Variants in DUOX1 observed in about 807,000 individuals in gnomAD.
DUOX1 encodes the protein NADPH thyroid oxidase 1.
Under a neutral mutation model 181.8 loss-of-function variants are expected in DUOX1, and 134 were observed. The observed-to-expected ratio is 0.74, with a 90% confidence interval of 0.64 to 0.85. DUOX1 has a LOEUF of 0.85. Among genes scored for constraint, DUOX1 ranks in the 40% least tolerant of loss-of-function variants. The pLI is 0.00. For missense variants in DUOX1, 1,814 were observed against 2,064.4 expected (o/e 0.88, Z 2.35); for synonymous variants, 798 against 832.5 (o/e 0.96, Z 0.71).
intron 16 of DUOX1, 70 bp downstream of exon 16, chr15:45,143,373 C>T: frequency 7.8e-7 from 1 of 1,275,840 alleles, no homozygotes; most frequent in Non-Finnish European, 1.1e-6. Context: ...CCACCTCCAC[C>T]CCAGCAGCCT....
At chr15:45,135,414 C>G in intron 5 of DUOX1, 60 bp from the exon 6 acceptor site, 1 of 1,520,568 alleles carries the variant, frequency 6.6e-7, no homozygotes, top group Non-Finnish European at 8.8e-7. Context: ...CGCCGGGCCC[C>G]GGCCTTCCCT....
At chr15:45,153,111 C>T (rs1001280830) in intron 25 of DUOX1, 9 of 421,760 alleles carry the variant, frequency 2.1e-5, no homozygotes, top group Non-Finnish European at 3.9e-5. Context: ...ATCCCAGCTA[C>T]TCAGGAGGCT....
In DUOX1 at chr15:45,161,815, G is replaced by A; in HGVS notation, c.3934G>A (p.Ala1312Thr). The change falls in exon 30 of 34, where the codon GCT (alanine) becomes ACT (threonine). Residue 1312 changes from alanine (A) to threonine (T), a missense_variant. This residue lies in a region of DUOX1 where 279 missense variants were observed against 381.9 expected (regional missense o/e 0.73). Transcript: ENST00000389037. Reference protein sequence around the residue: ...SGQWVRIACLALGTTEYHPFT... With the variant: ...SGQWVRIACLTLGTTEYHPFT... ...GCAGTGGGTGCGGATCGCTTGCCTGGCTCTGGGGACCACCGAGTACCACCC... is the reference window on the plus strand; with the variant it reads ...GCAGTGGGTGCGGATCGCTTGCCTGACTCTGGGGACCACCGAGTACCACCC... The A allele has an allele frequency of 6.2e-7, 1 of 1,613,984 alleles. No individual in the cohort carries two copies. Among genetic ancestry groups the A allele is most frequent in the Non-Finnish European group, 8.5e-7 (1 of 1,179,988 alleles).
In DUOX1 at chr15:45,153,993, C is replaced by T. The variant is rs141582627; in HGVS notation, c.3567C>T (p.Thr1189=). The change falls in exon 27 of 34, where the codon ACC becomes ACT. Residue 1189 remains threonine (T), a synonymous_variant. Coordinates refer to ENST00000389037, the MANE Select transcript of DUOX1 (RefSeq NM_175940.3). ...AGTATTACTGGTGGTTCTTCCAGAC[C>T]GTACCAGGTGAGAACCCTCCTTGAT... ...PQKYYWWFFQ[T]VPGLTGVVLL... is the part of the protein sequence containing the mutation. 2.2e-4 allele frequency: 359 copies of T among 1,613,292 alleles called. 2 individuals are homozygous for T. The highest frequency in any genetic ancestry group is 8.8e-5 in the South Asian group (8 of 91,062).
rs1897127051 is a variant in DUOX1, at chr15:45,162,271, AG to A, written c.4144del (p.Val1382CysfsTer4). 1 of 1,613,304 alleles carries A rather than the reference AG, an allele frequency of 6.2e-7. No homozygotes were observed. The highest frequency in any genetic ancestry group is 1.7e-5 in the Admixed American group (1 of 59,892). On this transcript the variant is annotated frameshift_variant, in exon 31 of 34. Coordinates refer to ENST00000389037, the MANE Select transcript of DUOX1 (RefSeq NM_175940.3). LOFTEE classifies it high-confidence loss of function. ...GGCCACCAGGAGTGGCATAAGTTTG[AG>A]GTGTCAGTGTTAGTGGGAGGGGGCA... Reference protein sequence around the residue: ...GEGHQEWHKFEVSVLVGGGIG... With the variant: ...GEGHQEWHKFXVSVLVGGGIG...
intron 14 of DUOX1, 65 bp from the exon 15 acceptor site, chr15:45,141,910 T>G (rs1820219127): frequency 1.3e-6 from 2 of 1,544,206 alleles, no homozygotes; most frequent in Non-Finnish European, 1.7e-6. Flanking sequence ...CCTAACCTCC[T>G]CCGTGATCCT....
intron 26 of DUOX1, 112 bp downstream of exon 26, chr15:45,153,591 T>C: frequency 8.7e-7 from 1 of 1,143,870 alleles, no homozygotes; most frequent in South Asian, 1.2e-5. Flanking sequence ...ATTATCTGGC[T>C]CCAGAGGAGA....
rs148828752 is a variant in DUOX1, at chr15:45,140,975, C to T, written c.1470C>T (p.His490=). 6.8e-6 allele frequency: 11 copies of T among 1,614,106 alleles called. No homozygotes were observed. In the African/African-American group the frequency reaches 1.2e-4, roughly 18 times the overall value. The change falls in exon 13 of 34, where the codon CAC becomes CAT. Residue 490 remains histidine, a synonymous_variant. Transcript: ENST00000389037. ...ELLPGGLLES[H]RDPGPLFSTI... ...TCCCTGGGGGACTCCTGGAGAGCCACCGGGACCCTGGACCTCTGTTCAGCA... is the reference window on the plus strand; with the variant it reads ...TCCCTGGGGGACTCCTGGAGAGCCATCGGGACCCTGGACCTCTGTTCAGCA...
chr15:45,143,225 C>T lies in DUOX1; in HGVS notation c.1858C>T (p.Arg620Trp), dbSNP rs544473583. ...LLSAWIVARL[R>W]MRNFKRLQGQ... ...CAGTGCCTGGATTGTTGCCCGGCTC[C>T]GGATGAGAAATTTCAAGAGGCTCCA... Residue 620 changes from arginine to tryptophan, a missense_variant, in exon 16 of 34, where the codon CGG becomes TGG. By Grantham distance (101) the Arg-to-Trp change is moderately radical. Coordinates refer to ENST00000389037, the MANE Select transcript of DUOX1 (RefSeq NM_175940.3). 12 of 1,614,096 alleles carry T rather than the reference C, an allele frequency of 7.4e-6. No individual in the cohort carries two copies. Among genetic ancestry groups the T allele is most frequent in the Admixed American group, 6.7e-5 (4 of 60,016 alleles).
rs374210123 is a variant in DUOX1 at position 45,141,378 on chromosome 15, C to G, written c.1652C>G (p.Ala551Gly). Residue 551 changes from alanine (A) to glycine (G), a missense_variant, in exon 14 of 34, where the codon GCT (alanine) becomes GGT (glycine). Transcript: ENST00000389037. ...GCTGTTATCAACATTGACCCCAGTG[C>G]TCTGCAGCCCAATGTCTTTGTCTGG... is the stretch of plus-strand genomic sequence containing the variant. ...LVAVINIDPS[A>G]LQPNVFVWHK... is the part of the protein sequence containing the mutation. 30 of 1,614,160 alleles carry G rather than the reference C, an allele frequency of 1.9e-5. No homozygotes were observed. Among genetic ancestry groups the G allele is most frequent in the Non-Finnish European group, 2.4e-5 (28 of 1,180,066 alleles).
At position 45,160,859 on chromosome 15, in the gene DUOX1, C is replaced by T. The variant is rs771517261; in HGVS notation, c.3725C>T (p.Ala1242Val). 9 of 1,610,564 alleles carry T rather than the reference C, an allele frequency of 5.6e-6. No homozygotes were observed. In the South Asian group the frequency reaches 8.8e-5, roughly 16 times the overall value. ...YVLLIIHGSF[A>V]LIQLPRFHIF... ...TAGCTCATCATCCATGGTAGCTTTG[C>T]CCTGATCCAGCTGCCCCGTTTCCAC... Residue 1242 changes from alanine (A) to valine (V), a missense_variant, in exon 29 of 34, where the codon GCC becomes GTC. This residue lies in a region of DUOX1 where 279 missense variants were observed against 381.9 expected (regional missense o/e 0.73). Transcript: ENST00000389037.
In DUOX1 at chr15:45,152,506, C is replaced by T. The variant is rs1159370213; in HGVS notation, c.3414C>T (p.Ile1138=). The T allele has an allele frequency of 6.2e-7, 1 of 1,614,040 alleles. No individual in the cohort carries two copies. Among genetic ancestry groups the T allele is most frequent in the East Asian group, 2.2e-5 (1 of 44,868 alleles). The change falls in exon 25 of 34, where the codon ATC becomes ATT. Residue 1138 remains isoleucine, a synonymous_variant. Coordinates refer to ENST00000389037, the MANE Select transcript of DUOX1 (RefSeq NM_175940.3). The part of the protein sequence containing the change: ...DFHRLIASTA[I]VLTVLHSVGH... ...ATCGCCTCATTGCCTCCACCGCCAT[C>T]GTCCTCACAGGCAGGGCCTGGGTGT... is the stretch of plus-strand genomic sequence containing the variant.
At chr15:45,136,328 C>T in intron 7 of DUOX1, 22 bp from the exon 8 acceptor site, 1 of 1,612,906 alleles carries the variant, frequency 6.2e-7, no homozygotes, top group Non-Finnish European at 8.5e-7. Flanking sequence ...CGTGCCTCCC[C>T]TCGCCCCTCT....
intron 33 of DUOX1, 116 bp downstream of exon 33, chr15:45,164,034 G>A: frequency 2.1e-6 from 3 of 1,444,104 alleles, no homozygotes; most frequent in South Asian, 2.7e-5. Context: ...CCATCCCCTG[G>A]GAGATTGGTG....
At chr15:45,141,557 GC>G in intron 14 of DUOX1, 147 bp downstream of exon 14, 1 of 882,110 alleles carries the variant, frequency 1.1e-6, no homozygotes, top group Non-Finnish European at 1.8e-6. Flanking sequence ...AACTCCAGGT[GC>G]CAGGGCCACC....
intron 33 of DUOX1, 87 bp downstream of exon 33, chr15:45,164,005 A>C: frequency 6.5e-7 from 1 of 1,541,262 alleles, no homozygotes; most frequent in Non-Finnish European, 8.8e-7. Flanking sequence ...CGAGGAAGAA[A>C]TCGACTGCTG....
chr15:45,152,882 T>C (rs1054354974), intron 25 of DUOX1: 3 of 387,440 alleles, frequency 7.7e-6, no homozygotes, highest in African/African-American at 4.1e-5. Flanking sequence ...CGCACATGGA[T>C]GGTGTGTCTG....
rs545557250 is a variant in DUOX1, at chr15:45,150,088, T to C, written c.2819-544T>C. On this transcript the variant is annotated intron_variant, in intron 21 of 33. Coordinates refer to ENST00000389037, the MANE Select transcript of DUOX1 (RefSeq NM_175940.3). ...GATTCCCAGGACTCCTGTAAGAATTTGGCTTTGCAGCTTAGTCCTGCCCTG... is the reference window on the plus strand; with the variant it reads ...GATTCCCAGGACTCCTGTAAGAATTCGGCTTTGCAGCTTAGTCCTGCCCTG... 6.6e-5 allele frequency among the ~76,000 whole-genome samples: 10 copies of C among 152,364 alleles called. No individual in the cohort carries two copies. The East Asian group carries it at 9.6e-4, about 15-fold the overall frequency.
chr15:45,135,351 G>A (rs1249881069), intron 5 of DUOX1, 60 bp downstream of exon 5: 2 of 1,503,198 alleles, frequency 1.3e-6, no homozygotes, highest in East Asian at 2.5e-5. Context: ...CCTGGGCTTC[G>A]GGCCTGGCAG....
Sources: allele counts gnomAD v4.1 joint callset (sites outside exome capture counted in the v4.1 genomes callset), GRCh38; gene constraint gnomAD v4.1.1; regional missense constraint gnomAD v4.1.1; transcripts MANE v1.5; gene names NCBI Gene and HGNC (gene_info 2026-07-23, HGNC 2026-07-21).